Variants in CNTN5 observed in about 807,000 individuals in gnomAD.
CNTN5 encodes contactin-5.
CNTN5 carries 77 observed loss-of-function variants against 129.1 expected under a neutral mutation model. The ratio of observed to expected loss-of-function variants is 0.60; its 90% CI spans 0.50 to 0.72. The LOEUF (loss-of-function observed/expected upper bound fraction) is 0.72. Ranked by LOEUF, CNTN5 falls within the 30% of genes least tolerant of loss-of-function variation. The probability of loss-of-function intolerance (pLI) is 0.00; values close to 1 mark genes in which losing one functional copy is unlikely to be tolerated. For missense variants in CNTN5, 1,478 were observed against 1,328.8 expected, an observed-to-expected ratio of 1.11 and a Z score of -1.75; for synonymous variants, 509 against 465.6, an observed-to-expected ratio of 1.09 and a Z score of -1.20.
intron 13 of CNTN5, among the ~76,000 whole-genome samples, chr11:100,085,135 A>T (rs10894413): frequency 0.23 from 34,187 of 151,914 alleles, 4,794 homozygotes; most frequent in African/African-American, 0.4. Flanking sequence ...CGTGGTAACC[A>T]GTGAGAAATT....
intron 3 of CNTN5, among the ~76,000 whole-genome samples, chr11:99,570,214 A>G (rs1949134529): frequency 6.6e-6 from 1 of 151,970 alleles, no homozygotes; most frequent in East Asian, 1.9e-4. Context: ...TCAGAGATGT[A>G]CTGGCTCACA....
At chr11:99,362,201 C>T (rs1381454915) in intron 2 of CNTN5, among the ~76,000 whole-genome samples, 2 of 151,838 alleles carry the variant, frequency 1.3e-5, no homozygotes, top group East Asian at 3.9e-4. Context: ...TGGGATCTCA[C>T]TGTGGTTTTG....
chr11:100,278,788 C>A (rs928784762), intron 18 of CNTN5, among the ~76,000 whole-genome samples: 1 of 151,890 alleles, frequency 6.6e-6, no homozygotes, highest in Admixed American at 6.6e-5. Context: ...AATTTGGATG[C>A]CTTTTATATA....
intron 3 of CNTN5, among the ~76,000 whole-genome samples, chr11:99,787,720 CT>C (rs1467924105): frequency 6.6e-6 from 1 of 151,910 alleles, no homozygotes; most frequent in Non-Finnish European, 1.5e-5. Flanking sequence ...TGATTTGTCT[CT>C]ATTAACTTTG....
intron 13 of CNTN5, among the ~76,000 whole-genome samples, chr11:100,176,617 G>T (rs931855349): frequency 4.9e-4 from 75 of 152,172 alleles, no homozygotes; most frequent in Non-Finnish European, 1.5e-4. Context: ...TATTTGAGCA[G>T]TGATAAATAG....
chr11:99,922,254 T>G (rs1591425895), intron 7 of CNTN5, among the ~76,000 whole-genome samples: 1 of 152,118 alleles, frequency 6.6e-6, no homozygotes, highest in African/African-American at 2.4e-5. Flanking sequence ...TTCACCATCA[T>G]GAGAACACAA....
At chr11:99,893,823 A>C (rs1169410337) in intron 6 of CNTN5, among the ~76,000 whole-genome samples, 1 of 152,180 alleles carries the variant, frequency 6.6e-6, no homozygotes, top group Non-Finnish European at 1.5e-5. Flanking sequence ...TAACATAAGC[A>C]TATTTATATA....
At chr11:100,059,868 G>C (rs1270942025) in intron 9 of CNTN5, among the ~76,000 whole-genome samples, 1 of 152,054 alleles carries the variant, frequency 6.6e-6, no homozygotes, top group Non-Finnish European at 1.5e-5. Context: ...AATAGTACGT[G>C]AAATATGTGC....
intron 4 of CNTN5, among the ~76,000 whole-genome samples, chr11:99,843,760 A>G (rs1947590713): frequency 6.6e-6 from 1 of 152,190 alleles, no homozygotes; most frequent in African/African-American, 2.4e-5. Flanking sequence ...GCCCCGCCTC[A>G]ACAGAAAGAT....
chr11:99,208,291 G>T (rs1186703962), intron 1 of CNTN5, among the ~76,000 whole-genome samples: 1 of 152,122 alleles, frequency 6.6e-6, no homozygotes, highest in Non-Finnish European at 1.5e-5. Context: ...AATAAAGGCA[G>T]AAATTACATT....
intron 2 of CNTN5, among the ~76,000 whole-genome samples, chr11:99,491,736 C>T (rs1946044628): frequency 6.6e-6 from 1 of 152,142 alleles, no homozygotes; most frequent in Admixed American, 6.5e-5. Context: ...CAATGAGGAA[C>T]ATGAAATCAC....
At chr11:99,246,809 C>A (rs1291544743) in intron 1 of CNTN5, among the ~76,000 whole-genome samples, 1 of 151,998 alleles carries the variant, frequency 6.6e-6, no homozygotes, top group Non-Finnish European at 1.5e-5. Flanking sequence ...ACAATATTGA[C>A]AAAGCAAGAA....
At chr11:100,107,143 T>C (rs1945469708) in intron 13 of CNTN5, among the ~76,000 whole-genome samples, 1 of 152,144 alleles carries the variant, frequency 6.6e-6, no homozygotes. Context: ...AATAATAAAC[T>C]TAGACTAATA....
intron 3 of CNTN5, among the ~76,000 whole-genome samples, chr11:99,714,298 A>C (rs1174214453): frequency 6.6e-6 from 1 of 151,930 alleles, no homozygotes; most frequent in African/African-American, 2.4e-5. Flanking sequence ...TCACCTGTGC[A>C]TATACATCCC....
chr11:99,368,424 T>A (rs1477742205), intron 2 of CNTN5, among the ~76,000 whole-genome samples: 1 of 151,900 alleles, frequency 6.6e-6, no homozygotes, highest in Non-Finnish European at 1.5e-5. Flanking sequence ...GGAGGATCAC[T>A]TGAGCCCGGG....
intron 2 of CNTN5, among the ~76,000 whole-genome samples, chr11:99,535,243 T>A (rs1318565568): frequency 2.0e-5 from 3 of 152,028 alleles, no homozygotes; most frequent in Non-Finnish European, 4.4e-5. Context: ...CAGGCAAAAA[T>A]ATGATGATAG....
chr11:99,575,986 C>T (rs1035473204), intron 3 of CNTN5, among the ~76,000 whole-genome samples: 9 of 152,114 alleles, frequency 5.9e-5, no homozygotes, highest in Non-Finnish European at 8.8e-5. Context: ...CAGAGGGCCC[C>T]GGTGGCCACA....
intron 7 of CNTN5, among the ~76,000 whole-genome samples, chr11:99,937,185 C>T (rs11221961): frequency 0.06 from 9,201 of 152,236 alleles, 537 homozygotes; most frequent in East Asian, 0.26. Flanking sequence ...TTCTTTAGAG[C>T]ATAAAATATA....
At chr11:99,942,000 G>T (rs998715556) in intron 7 of CNTN5, among the ~76,000 whole-genome samples, 1 of 151,916 alleles carries the variant, frequency 6.6e-6, no homozygotes, top group Non-Finnish European at 1.5e-5. Flanking sequence ...TCATCAGAAA[G>T]GGCTTCATAA....
Sources: gnomAD v4.1 joint callset for allele counts (sites outside exome capture counted in the v4.1 genomes callset) on GRCh38, gnomAD v4.1.1 for gene constraint, MANE v1.5 for transcripts, NCBI Gene and HGNC (gene_info 2026-07-23, HGNC 2026-07-21) for gene names.